The following GARIN1B variants were observed in gnomAD, a reference collection of about 807,000 sequenced individuals.
GARIN1B encodes the protein Golgi-associated RAB2 interactor protein 1B.
At chr7:128,710,888 C>T in the GARIN1B span, among the ~76,000 whole-genome samples, 3 of 152,206 alleles carry the variant, frequency 2.0e-5, no homozygotes, top group African/African-American at 7.2e-5. Flanking sequence ...GAACTCCCAA[C>T]CTCAGGTGAT....
chr7:128,710,745 C>T, the GARIN1B span, among the ~76,000 whole-genome samples: 9 of 151,050 alleles, frequency 6.0e-5, no homozygotes, highest in Admixed American at 2.6e-4. Flanking sequence ...AGTGCAATGA[C>T]GCAATCTGGG....
At chr7:128,727,115 C>T in the GARIN1B span, among the ~76,000 whole-genome samples, 1 of 152,158 alleles carries the variant, frequency 6.6e-6, no homozygotes, top group Non-Finnish European at 1.5e-5. Flanking sequence ...ACCCACAGAC[C>T]CTACCCCAGC....
the GARIN1B span, among the ~76,000 whole-genome samples, chr7:128,725,518 C>T: frequency 6.6e-6 from 1 of 152,082 alleles, no homozygotes; most frequent in Admixed American, 6.6e-5. Flanking sequence ...GTTATAGGCA[C>T]TCACTACCAT....
the GARIN1B span, chr7:128,726,837 C>T: frequency 6.2e-7 from 1 of 1,614,002 alleles, no homozygotes. Flanking sequence ...GTTTCAGGAG[C>T]AGCAGAAAGG....
At chr7:128,717,359 T>G in the GARIN1B span, among the ~76,000 whole-genome samples, 1 of 152,112 alleles carries the variant, frequency 6.6e-6, no homozygotes, top group South Asian at 2.1e-4. Flanking sequence ...TAGTTCTTGG[T>G]GTACAACTAA....
chr7:128,716,470 G>A, the GARIN1B span, among the ~76,000 whole-genome samples: 1 of 152,186 alleles, frequency 6.6e-6, no homozygotes, highest in Non-Finnish European at 1.5e-5. Flanking sequence ...GTGGGCAATT[G>A]TTAACAAATG....
At chr7:128,718,291 G>A in the GARIN1B span, among the ~76,000 whole-genome samples, 1 of 152,076 alleles carries the variant, frequency 6.6e-6, no homozygotes, top group African/African-American at 2.4e-5. Context: ...AATTAGACGG[G>A]CCTGGTGGCA....
the GARIN1B span, among the ~76,000 whole-genome samples, chr7:128,711,069 G>A: frequency 6.6e-6 from 1 of 152,096 alleles, no homozygotes; most frequent in African/African-American, 2.4e-5. Context: ...CCTTGAGAGT[G>A]CAGAGAAGAG....
chr7:128,715,553 G>A, the GARIN1B span: 16 of 1,613,992 alleles, frequency 9.9e-6, no homozygotes, highest in Non-Finnish European at 1.4e-5. Flanking sequence ...AGAATTCAGG[G>A]GCCTCTTGCC....
chr7:128,723,619 C>G, the GARIN1B span, among the ~76,000 whole-genome samples: 5 of 150,672 alleles, frequency 3.3e-5, no homozygotes, highest in Non-Finnish European at 5.9e-5. Flanking sequence ...AAGCGATTCT[C>G]CCGCCTCAGC....
the GARIN1B span, chr7:128,715,715 C>T: frequency 6.3e-7 from 1 of 1,576,492 alleles, no homozygotes; most frequent in East Asian, 2.2e-5. Flanking sequence ...CGCAGAATAG[C>T]ACTCTTTGAT....
chr7:128,715,477 G>A, the GARIN1B span: 7 of 1,614,006 alleles, frequency 4.3e-6, no homozygotes, highest in Non-Finnish European at 5.1e-6. Flanking sequence ...AGACTTGGAG[G>A]AAATCAAAGA....
At chr7:128,717,149 T>C in the GARIN1B span, 1 of 742,582 alleles carries the variant, frequency 1.3e-6, no homozygotes, top group East Asian at 3.0e-5. Context: ...AGACAGGTGT[T>C]GCACTGGAAG....
At chr7:128,716,796 TG>T in the GARIN1B span, 25 of 1,591,856 alleles carry the variant, frequency 1.6e-5, no homozygotes, top group Admixed American at 5.2e-5. Flanking sequence ...AGGTTGTGCC[TG>T]GGGGCTGTGT....
chr7:128,711,534 G>A, the GARIN1B span, among the ~76,000 whole-genome samples: 4 of 152,138 alleles, frequency 2.6e-5, no homozygotes, highest in African/African-American at 9.7e-5. Flanking sequence ...GTATAATATG[G>A]CCTGAAAATT....
chr7:128,722,306 C>T, the GARIN1B span, among the ~76,000 whole-genome samples: 1,464 of 152,258 alleles, frequency 9.6e-3, 21 homozygotes, highest in African/African-American at 0.033. Context: ...GCAGGGGTTT[C>T]TGTTTGTCTT....
chr7:128,720,040 G>T, the GARIN1B span, among the ~76,000 whole-genome samples: 1 of 151,908 alleles, frequency 6.6e-6, no homozygotes, highest in Non-Finnish European at 1.5e-5. Flanking sequence ...TTATTGCATT[G>T]TAAGGATTAT....
chr7:128,731,097 C>G, the GARIN1B span: 1 of 1,611,834 alleles, frequency 6.2e-7, no homozygotes, highest in Non-Finnish European at 8.5e-7. Flanking sequence ...CCTACACTCA[C>G]AGGAAATTCT....
the GARIN1B span, chr7:128,714,216 T>C: frequency 1.5e-6 from 2 of 1,325,540 alleles, no homozygotes; most frequent in South Asian, 2.5e-5. Context: ...CCTTTGTGTG[T>C]AATGATTGTC....
Sources: allele counts gnomAD v4.1 joint callset (sites outside exome capture counted in the v4.1 genomes callset), GRCh38; gene constraint gnomAD v4.1.1; transcripts MANE v1.5; gene names NCBI Gene and HGNC (gene_info 2026-07-23, HGNC 2026-07-21).